KNDC1: variants seen among roughly 807,000 people sequenced by gnomAD.
KNDC1 encodes kinase non-catalytic C-lobe domain containing 1, also known as kinase non-catalytic C-lobe domain-containing protein 1.
In KNDC1, 106 loss-of-function variants were observed where a neutral mutation model predicts 172.8. The observed-to-expected ratio is 0.61, with a 90% CI of 0.52 to 0.72. KNDC1 has a LOEUF of 0.72. KNDC1 is among the 30% of genes least tolerant of loss of function. KNDC1 has a pLI of 0.00. For missense variants in KNDC1, 2,325 were observed against 2,394.5 expected, an observed-to-expected ratio of 0.97 and a Z score of 0.61; for synonymous variants, 1,083 against 1,062.2, an observed-to-expected ratio of 1.02 and a Z score of -0.38.
Position 133,209,301 on chromosome 10 carries a change from TGTG to T in KNDC1, c.3795-1308_3795-1306del, listed in dbSNP as rs1283956436. Among the ~76,000 whole-genome samples, 4 of 148,464 alleles carry T rather than the reference TGTG, an allele frequency of 2.7e-5. No individual in the cohort carries two copies. Among genetic ancestry groups the T allele is most frequent in the Non-Finnish European group, 3.0e-5 (2 of 67,156 alleles). The stretch of plus-strand genomic sequence containing the variant: ...GGTGTGTGGAGTATAGTGTGTGTGG[TGTG>T]GGGTACAGTGTGTGTGTGCACGTGT... On this transcript the variant is annotated intron_variant, in intron 20 of 29. Coordinates refer to ENST00000304613, the MANE Select transcript of KNDC1 (RefSeq NM_152643.8). The surrounding 1 kb of genome is among the most constrained non-coding windows in gnomAD (Gnocchi z 4.9).
rs1450158594 is a variant in KNDC1 at position 133,209,353 on chromosome 10, T to G, written c.3795-1258T>G. Among the ~76,000 whole-genome samples, 1 of 150,664 alleles carries G rather than the reference T, an allele frequency of 6.6e-6. No homozygotes were observed. The highest frequency in any genetic ancestry group is 1.5e-5 in the Non-Finnish European group (1 of 67,708). On this transcript the variant is annotated intron_variant, in intron 20 of 29. Transcript: ENST00000304613. This position sits in a 1 kb window ranked among gnomAD's most constrained non-coding sequence, Gnocchi z 4.9. ...GTGTGCTGTGCGGTGTGGGGTATAG[T>G]GTGTGCACATGTGGTGTGAGGTATA...
In KNDC1 at chr10:133,206,757, C is replaced by T. The variant is rs765162673; in HGVS notation, c.3460C>T (p.Gln1154Ter). 6.2e-7 allele frequency: 1 copy of T among 1,613,970 alleles called. No individual in the cohort carries two copies. Among genetic ancestry groups the T allele is most frequent in the African/African-American group, 1.3e-5 (1 of 74,940 alleles). ...KTLKFYQKLL[Q>*]KEKRNKGSDV... ...CCTGAAGTTCTACCAGAAACTCTTA[C>T]AGAAGGAAAAGAGGAACAAAGGTAA... Residue 1154 changes from glutamine (Q) to a stop codon, truncating the protein, a stop_gained, in exon 18 of 30, where the codon CAG becomes TAG. Transcript: ENST00000304613. LOFTEE classifies it high-confidence loss of function.
chr10:133,184,058 C>A, intron 5 of KNDC1, 69 bp downstream of exon 5: 2 of 891,488 alleles, frequency 2.2e-6, no homozygotes, highest in Non-Finnish European at 3.5e-6. Context: ...TGCACACGTG[C>A]ACATGCTGCA....
At chr10:133,184,126 GCA>G (rs983267892) in intron 5 of KNDC1, 137 bp downstream of exon 5, 27 of 480,588 alleles carry the variant, frequency 5.6e-5, no homozygotes, top group Middle Eastern at 5.2e-4. Flanking sequence ...ACACACCCAT[GCA>G]CACACATGCC....
At chr10:133,217,032 C>T (rs560837969) in intron 26 of KNDC1, among the ~76,000 whole-genome samples, 5 of 152,230 alleles carry the variant, frequency 3.3e-5, no homozygotes, top group East Asian at 1.9e-4. Flanking sequence ...GAGTGGGGCA[C>T]GGGGAGCTCG....
chr10:133,215,083 G>T (rs1200358071), intron 26 of KNDC1, among the ~76,000 whole-genome samples: 1 of 152,202 alleles, frequency 6.6e-6, no homozygotes, highest in East Asian at 1.9e-4. Flanking sequence ...ACCAGGTCCC[G>T]CTCCAAGTAA....
In KNDC1 at chr10:133,220,018, C is replaced by G; in HGVS notation, c.4924C>G (p.Leu1642Val). The G allele has an allele frequency of 6.4e-7, 1 of 1,554,722 alleles. No individual in the cohort carries two copies. The highest frequency in any genetic ancestry group is 8.7e-7 in the Non-Finnish European group (1 of 1,149,012). ...GCGGCGCTTCCGGGCGCAGCCCACCCTGCCCTCGGCCCACCTCCTGGCCAT... is the reference window on the plus strand; with the variant it reads ...GCGGCGCTTCCGGGCGCAGCCCACCGTGCCCTCGGCCCACCTCCTGGCCAT... Reference protein sequence around the residue: ...EGRRFRAQPTLPSAHLLAMHI... With the variant: ...EGRRFRAQPTVPSAHLLAMHI... The change falls in exon 29 of 30, where the codon CTG (leucine) becomes GTG (valine). Residue 1642 changes from leucine to valine, a missense_variant. Leu to Val is a conservative substitution (Grantham distance 32, BLOSUM62 1). Transcript: ENST00000304613.
intron 10 of KNDC1, 53 bp downstream of exon 10, chr10:133,195,874 T>C: frequency 7.0e-7 from 1 of 1,436,198 alleles, no homozygotes; most frequent in Middle Eastern, 2.5e-4. Context: ...CTGTGGGCAG[T>C]GGCCGCCCTC....
intron 24 of KNDC1, 45 bp downstream of exon 24, chr10:133,212,967 GC>G: frequency 6.4e-7 from 1 of 1,559,894 alleles, no homozygotes; most frequent in Non-Finnish European, 8.7e-7. Flanking sequence ...GCGAGTCGGG[GC>G]CCCAGAAACA....
At chr10:133,169,785 A>T (rs778529490) in intron 3 of KNDC1, among the ~76,000 whole-genome samples, 17 of 152,126 alleles carry the variant, frequency 1.1e-4, no homozygotes, top group Non-Finnish European at 2.4e-4. Context: ...GGTGGCTGTG[A>T]TCCCTGGTGC....
At chr10:133,188,056 A>G (rs891373486) in intron 6 of KNDC1, among the ~76,000 whole-genome samples, 5 of 151,774 alleles carry the variant, frequency 3.3e-5, no homozygotes, top group Admixed American at 2.6e-4. Context: ...GTTCCTCCCC[A>G]GGGAGCCTGC....
At chr10:133,165,577 A>G (rs1446813351) in intron 1 of KNDC1, among the ~76,000 whole-genome samples, 1 of 152,178 alleles carries the variant, frequency 6.6e-6, no homozygotes, top group African/African-American at 2.4e-5. Context: ...CGCTTGGTGC[A>G]CGTCTGTGCC....
chr10:133,189,650 C>G lies in KNDC1; in HGVS notation c.1494C>G (p.Phe498Leu). 6.2e-7 allele frequency: 1 copy of G among 1,613,884 alleles called. No individual in the cohort carries two copies. The highest frequency in any genetic ancestry group is 8.5e-7 in the Non-Finnish European group (1 of 1,179,986). The change falls in exon 8 of 30, where the codon TTC (phenylalanine) becomes TTG (leucine). Residue 498 changes from phenylalanine to leucine, a missense_variant. Transcript: ENST00000304613. ...TTGCTGAGGACGGGGCTGTGCTCTT[C>G]CAGCCACCCCCTGCCAACGGTGAGT... is the stretch of plus-strand genomic sequence containing the variant. ...VLVAEDGAVL[F>L]QPPPANGSYD...
At position 133,199,095 on chromosome 10, in the gene KNDC1, G is replaced by A; in HGVS notation, c.2587G>A (p.Val863Ile). 6.2e-7 allele frequency: 1 copy of A among 1,608,782 alleles called. No homozygotes were observed. The highest frequency in any genetic ancestry group is 1.3e-5 in the African/African-American group (1 of 74,992). ...GERDDQSPDS[V>I]PERPRPADRR... ...ACGTGATGACCAGAGTCCAGACAGTGTCCCAGAGAGGCCGCGGCCCGCAGA... is the reference window on the plus strand; with the variant it reads ...ACGTGATGACCAGAGTCCAGACAGTATCCCAGAGAGGCCGCGGCCCGCAGA... The change falls in exon 14 of 30, where the codon GTC becomes ATC. Residue 863 changes from valine (V) to isoleucine (I), a missense_variant. Val to Ile is a conservative substitution (Grantham distance 29, BLOSUM62 3). Coordinates refer to ENST00000304613, the MANE Select transcript of KNDC1 (RefSeq NM_152643.8).
At chr10:133,222,398 T>C (rs1456944678) in intron 29 of KNDC1, among the ~76,000 whole-genome samples, 1 of 151,984 alleles carries the variant, frequency 6.6e-6, no homozygotes, top group African/African-American at 2.4e-5. Context: ...TCTGCCCTTC[T>C]CAGCATCCCC....
At chr10:133,189,573 C>T (rs763469862) in intron 7 of KNDC1, 25 bp from the exon 8 acceptor site, 310 of 1,609,560 alleles carry the variant, frequency 1.9e-4, no homozygotes, top group Non-Finnish European at 2.5e-4. Context: ...CATGCATACC[C>T]GCCCTGACCC....
intron 9 of KNDC1, among the ~76,000 whole-genome samples, chr10:133,195,158 G>T (rs1484330455): frequency 1.3e-5 from 2 of 152,230 alleles, no homozygotes. Context: ...GCATCAAATG[G>T]TGTGCTGTGC....
rs909114233 is a variant in KNDC1 at position 133,209,941 on chromosome 10, G to A, written c.3795-670G>A. On this transcript the variant is annotated intron_variant, in intron 20 of 29. Transcript: ENST00000304613. This position sits in a 1 kb window ranked among gnomAD's most constrained non-coding sequence, Gnocchi z 4.9. ...GGGGCCCTGGTCAGTGTCTCCTGAGGGTGGCGCGGTTTCACCCAGTGAAGA... is the reference window on the plus strand; with the variant it reads ...GGGGCCCTGGTCAGTGTCTCCTGAGAGTGGCGCGGTTTCACCCAGTGAAGA... 6.6e-6 allele frequency among the ~76,000 whole-genome samples: 1 copy of A among 152,116 alleles called. No individual in the cohort carries two copies. Among genetic ancestry groups the A allele is most frequent in the Non-Finnish European group, 1.5e-5 (1 of 68,006 alleles).
rs1269345760 is a variant in KNDC1, at chr10:133,184,765, CTGTGGCATTGGTGCCAG to C, written c.625+792_625+808del. Among the ~76,000 whole-genome samples, 16 of 152,408 alleles carry C rather than the reference CTGTGGCATTGGTGCCAG, an allele frequency of 1.0e-4. No homozygotes were observed. In the East Asian group the frequency reaches 1.7e-3, roughly 17 times the overall value. The stretch of plus-strand genomic sequence containing the variant: ...GTGACTCAGGCTCAGCTTCAGAAGT[CTGTGGCATTGGTGCCAG>C]TGTGGCATTGGTGCCGGTGTGGCAT... On this transcript the variant is annotated intron_variant, in intron 5 of 29. Coordinates refer to ENST00000304613, the MANE Select transcript of KNDC1 (RefSeq NM_152643.8).
Sources: gnomAD v4.1 joint callset for allele counts (sites outside exome capture counted in the v4.1 genomes callset) on GRCh38, gnomAD v4.1.1 for gene constraint, Gnocchi (gnomAD v3.1) non-coding constraint, MANE v1.5 for transcripts, NCBI Gene and HGNC (gene_info 2026-07-23, HGNC 2026-07-21) for gene names.